Variants in MYLIP observed in about 807,000 individuals in gnomAD.
The protein encoded by MYLIP is myosin regulatory light chain interacting protein, also known as E3 ubiquitin-protein ligase MYLIP.
MYLIP carries 26 observed loss-of-function variants against 45.8 expected under a neutral mutation model. That is an observed-to-expected ratio of 0.57 (90% CI 0.42 to 0.79). MYLIP has a LOEUF of 0.79. MYLIP is among the 30% of genes least tolerant of loss of function. The pLI is 0.00. For missense variants in MYLIP, 494 were observed against 555.6 expected (o/e 0.89, Z 1.11); for synonymous variants, 213 against 218.1 (o/e 0.98, Z 0.21).
downstream of MYLIP, among the ~76,000 whole-genome samples, chr6:16,151,823 G>A (rs1338925458): frequency 6.6e-6 from 1 of 152,154 alleles, no homozygotes; most frequent in East Asian, 1.9e-4. Context: ...CTAAACATCT[G>A]TTGTTCATAA....
At chr6:16,138,689 C>T (rs1405613542) in intron 2 of MYLIP, among the ~76,000 whole-genome samples, 1 of 152,170 alleles carries the variant, frequency 6.6e-6, no homozygotes, top group Non-Finnish European at 1.5e-5. Context: ...CAGCTTAGGG[C>T]TGGGCACAGA....
the MYLIP span, among the ~76,000 whole-genome samples, chr6:16,162,209 A>G: frequency 6.6e-6 from 1 of 152,180 alleles, no homozygotes; most frequent in South Asian, 2.1e-4. Context: ...GAAGTGGTTT[A>G]TGGGGTGAGG....
chr6:16,149,892 A>G (rs560003498), downstream of MYLIP, among the ~76,000 whole-genome samples: 98 of 152,334 alleles, frequency 6.4e-4, no homozygotes, highest in African/African-American at 2.3e-3. Flanking sequence ...CAAAAAAGGG[A>G]GCAAGTCCTG....
chr6:16,143,855 A>T lies in MYLIP; in HGVS notation c.819A>T (p.Ala273=). ...GLYRAITETH[A]FYRCDTVTSA... ...ACCGAGCGATAACAGAGACGCACGC[A>T]TTCTACAGGCACGTATCTCGTGTGC... is the stretch of plus-strand genomic sequence containing the variant. Residue 273 remains alanine, a synonymous_variant, in exon 5 of 7, where the codon GCA becomes GCT. Transcript: ENST00000356840. 6.2e-7 allele frequency: 1 copy of T among 1,611,928 alleles called. No homozygotes were observed. Among genetic ancestry groups the T allele is most frequent in the South Asian group, 1.1e-5 (1 of 90,942 alleles).
chr6:16,134,344 C>T (rs1229687709), intron 2 of MYLIP, among the ~76,000 whole-genome samples: 1 of 152,174 alleles, frequency 6.6e-6, no homozygotes, highest in African/African-American at 2.4e-5. Context: ...TTTCACTTTG[C>T]TTTTATAAAC....
intron 2 of MYLIP, among the ~76,000 whole-genome samples, chr6:16,139,401 A>C (rs901790940): frequency 3.3e-5 from 5 of 152,212 alleles, no homozygotes; most frequent in Non-Finnish European, 5.9e-5. Context: ...AAAAAAAAAA[A>C]AGGCCACTTT....
At chr6:16,156,773 T>C in the MYLIP span, among the ~76,000 whole-genome samples, 1 of 152,188 alleles carries the variant, frequency 6.6e-6, no homozygotes, top group Non-Finnish European at 1.5e-5. Context: ...ATCTGAGTAA[T>C]ATGACAATGC....
intron 6 of MYLIP, 25 bp downstream of exon 6, chr6:16,145,342 T>A: frequency 6.4e-7 from 1 of 1,552,978 alleles, no homozygotes; most frequent in Non-Finnish European, 8.7e-7. Flanking sequence ...TGCCCACTTT[T>A]GCCTGCAGCC....
chr6:16,130,822 A>G, intron 2 of MYLIP, 75 bp downstream of exon 2: 1 of 1,386,900 alleles, frequency 7.2e-7, no homozygotes, highest in Non-Finnish European at 9.7e-7. Flanking sequence ...ACCTTCCCAG[A>G]GATACTCACA....
the MYLIP span, chr6:16,161,381 C>T: frequency 8.5e-6 from 2 of 236,672 alleles, no homozygotes; most frequent in Non-Finnish European, 1.7e-5. Flanking sequence ...TCCCAAACTG[C>T]GAAGATGACC....
chr6:16,160,583 C>G, the MYLIP span, among the ~76,000 whole-genome samples: 3 of 152,316 alleles, frequency 2.0e-5, no homozygotes, highest in South Asian at 2.1e-4. Context: ...AGGCAGATCT[C>G]TTGAGGCCAG....
chr6:16,146,839 A>ACT lies in MYLIP; in HGVS notation c.*88_*89insCT. The ACT allele has an allele frequency of 9.0e-7, 1 of 1,111,196 alleles. No homozygotes were observed. The highest frequency in any genetic ancestry group is 1.3e-6 in the Non-Finnish European group (1 of 770,346). The allele number at this position is 1,111,196 out of a possible 1,614,324, so 68.8% of individuals were successfully genotyped here. ...ATGATAGATTGTGGAGAAAGTAATT[A>ACT]TTCCAACACCCATCTGCCATGCGAT... On this transcript the variant is annotated 3_prime_UTR_variant, in exon 7 of 7. Transcript: ENST00000356840.
downstream of MYLIP, among the ~76,000 whole-genome samples, chr6:16,149,967 C>T (rs1238472011): frequency 6.6e-6 from 1 of 152,060 alleles, no homozygotes; most frequent in Non-Finnish European, 1.5e-5. Flanking sequence ...ATGGGCAAAC[C>T]TGGAGGTAGT....
At chr6:16,133,900 C>T (rs1477955725) in intron 2 of MYLIP, among the ~76,000 whole-genome samples, 1 of 152,148 alleles carries the variant, frequency 6.6e-6, no homozygotes, top group Non-Finnish European at 1.5e-5. Flanking sequence ...TAAATGTTCA[C>T]AGAAATGCTC....
intron 3 of MYLIP, among the ~76,000 whole-genome samples, chr6:16,142,529 T>C (rs1759694603): frequency 6.6e-6 from 1 of 152,176 alleles, no homozygotes; most frequent in Admixed American, 6.5e-5. Context: ...GGCCATGTCT[T>C]GGCTGGGTCC....
Position 16,145,176 on chromosome 6 carries a change from G to A in MYLIP, c.1107G>A (p.Gln369=). The change falls in exon 6 of 7, where the codon CAG becomes CAA. Residue 369 remains glutamine, a synonymous_variant. Coordinates refer to ENST00000356840, the MANE Select transcript of MYLIP (RefSeq NM_013262.4). ...NCSSCEGLSC[Q]QTRVLQEKLR... Reference sequence around the variant, plus strand: ...GCAGCTGCGAGGGCCTCAGCTGCCAGCAGACCCGGGTGCTGCAGGAGAAGC... The same window carrying A: ...GCAGCTGCGAGGGCCTCAGCTGCCAACAGACCCGGGTGCTGCAGGAGAAGC... 6.2e-7 allele frequency: 1 copy of A among 1,614,214 alleles called. No individual in the cohort carries two copies. Among genetic ancestry groups the A allele is most frequent in the Non-Finnish European group, 8.5e-7 (1 of 1,180,030 alleles).
chr6:16,159,217 A>G, the MYLIP span, among the ~76,000 whole-genome samples: 1 of 152,242 alleles, frequency 6.6e-6, no homozygotes, highest in Non-Finnish European at 1.5e-5. Flanking sequence ...ACAGCATATT[A>G]TAACAATTTC....
At chr6:16,151,083 C>G (rs1759872466), downstream of MYLIP, among the ~76,000 whole-genome samples, 1 of 152,046 alleles carries the variant, frequency 6.6e-6, no homozygotes, top group African/African-American at 2.4e-5. Context: ...GCAGCGGTGG[C>G]TCACGCCTGT....
chr6:16,153,798 A>G, the MYLIP span, among the ~76,000 whole-genome samples: 1 of 152,206 alleles, frequency 6.6e-6, no homozygotes, highest in Non-Finnish European at 1.5e-5. Flanking sequence ...AGACTCAGGC[A>G]GCACGTTTTG....
Sources: allele counts gnomAD v4.1 joint callset (sites outside exome capture counted in the v4.1 genomes callset), GRCh38; gene constraint gnomAD v4.1.1; transcripts MANE v1.5; gene names NCBI Gene and HGNC (gene_info 2026-07-23, HGNC 2026-07-21).